TTC21A: variants seen among roughly 807,000 people sequenced by gnomAD.
The protein encoded by TTC21A is tetratricopeptide repeat protein 21A.
Under a neutral mutation model 156.4 loss-of-function variants are expected in TTC21A, and 128 were observed. The observed-to-expected ratio is 0.82, with a 90% CI of 0.71 to 0.95. The LOEUF is 0.95. TTC21A is among the 40% of genes least tolerant of loss of function. TTC21A has a pLI of 0.00. For synonymous variants in TTC21A, 587 were observed against 617.1 expected (o/e 0.95, Z 0.72); for missense variants, 1,435 against 1,602.3 (o/e 0.90, Z 1.78).
Position 39,109,171 on chromosome 3 carries a change from C to A in TTC21A, c.114C>A (p.Asp38Glu), listed in dbSNP as rs780564796. Reference sequence around the variant, plus strand: ...TGGGCCTGGAAAAATTCAGCAATGACCCTGTGTTGAAGTTCTTTAAAGCCT... The same window carrying A: ...TGGGCCTGGAAAAATTCAGCAATGAACCTGTGTTGAAGTTCTTTAAAGCCT... ...AAVGLEKFSN[D>E]PVLKFFKAYG... The change falls in exon 2 of 29, where the codon GAC (aspartate) becomes GAA (glutamate). Residue 38 changes from aspartate (D) to glutamate (E), a missense_variant. By Grantham distance (45) the Asp-to-Glu change is conservative. Transcript: ENST00000683103. The A allele has an allele frequency of 6.2e-7, 1 of 1,614,156 alleles. No homozygotes were observed. Among genetic ancestry groups the A allele is most frequent in the Non-Finnish European group, 8.5e-7 (1 of 1,179,996 alleles).
rs2038051439 is a variant in TTC21A at position 39,124,633 on chromosome 3, T to G, written c.1094-430T>G. On this transcript the variant is annotated intron_variant, in intron 9 of 28. Coordinates refer to ENST00000683103, the MANE Select transcript of TTC21A (RefSeq NM_001366900.1). The stretch of plus-strand genomic sequence containing the variant: ...AAGATCGTGCCACTTCACTCCAGCC[T>G]GGGCAAAAGAGCGAAACTCCGTCTC... Among the ~76,000 whole-genome samples the G allele has an allele frequency of 6.2e-5, 6 of 96,202 alleles. 1 individual carries two copies. The South Asian group carries it at 2.3e-3, about 38-fold the overall frequency. The allele number at this position is 96,202 out of a possible 152,430, so 63.1% of individuals were successfully genotyped here.
At chr3:39,117,071 C>T (rs2125778687) in intron 6 of TTC21A, among the ~76,000 whole-genome samples, 1 of 152,274 alleles carries the variant, frequency 6.6e-6, no homozygotes, top group African/African-American at 2.4e-5. Flanking sequence ...GGAATATAAG[C>T]ATTGAAGTCT....
rs762988305 is a variant in TTC21A, at chr3:39,134,468, G to C, written c.2862+140G>C. ...CTCTGAGGAGCTGTCGGGCAGAGAG[G>C]ACTCAGTGCTGCACCTACTCTGCCC... is the stretch of plus-strand genomic sequence containing the variant. On this transcript the variant is annotated intron_variant, in intron 21 of 28. Transcript: ENST00000683103. The surrounding 1 kb of genome is among the most constrained non-coding windows in gnomAD (Gnocchi z 4.6). 4.1e-6 allele frequency: 3 copies of C among 736,846 alleles called. No homozygotes were observed. Among genetic ancestry groups the C allele is most frequent in the Non-Finnish European group, 7.4e-6 (3 of 404,066 alleles). 45.6% of individuals were successfully genotyped at this position (736,846 alleles called of 1,614,324 possible). A position where few individuals can be genotyped will look rare whatever the true frequency, so the allele number is the denominator to read the frequency against.
At chr3:39,114,522 C>A in intron 5 of TTC21A, 63 bp from the exon 6 acceptor site, 1 of 1,544,308 alleles carries the variant, frequency 6.5e-7, no homozygotes, top group Non-Finnish European at 8.9e-7. Flanking sequence ...GACAACCCCC[C>A]TCCAGCAAAC....
At position 39,130,250 on chromosome 3, in the gene TTC21A, C is replaced by T. The variant is rs375019709; in HGVS notation, c.2211C>T (p.Pro737=). The T allele has an allele frequency of 7.8e-5, 126 of 1,613,024 alleles. No homozygotes were observed. The highest frequency in any genetic ancestry group is 9.5e-5 in the Non-Finnish European group (112 of 1,179,542). The change falls in exon 17 of 29, where the codon CCC becomes CCT. Residue 737 remains proline, a splice_region_variant and synonymous_variant. Coordinates refer to ENST00000683103, the MANE Select transcript of TTC21A (RefSeq NM_001366900.1). This position sits in a 1 kb window ranked among gnomAD's most constrained non-coding sequence, Gnocchi z 4.5. ...CCCAAAGACACTTTCCCCACCAGCC[C>T]GAGAAGGCCCTGGAGGTCTATGATG... ...LGDALMSILE[P]EKALEVYDEA... is the part of the protein sequence containing the mutation.
At chr3:39,128,999 A>C in intron 14 of TTC21A, 67 bp downstream of exon 14, 1 of 1,608,190 alleles carries the variant, frequency 6.2e-7, no homozygotes, top group Non-Finnish European at 8.5e-7. Context: ...AGGCCCAGGA[A>C]CCAGGTTCTT....
At chr3:39,122,033 G>C (rs1180232635) in intron 9 of TTC21A, among the ~76,000 whole-genome samples, 2 of 152,190 alleles carry the variant, frequency 1.3e-5, no homozygotes, top group African/African-American at 4.8e-5. Flanking sequence ...AATGAGCCAG[G>C]CGTGATGGCT....
intron 8 of TTC21A, among the ~76,000 whole-genome samples, 196 bp downstream of exon 8, chr3:39,120,216 C>T (rs1471244737): frequency 2.6e-5 from 4 of 152,170 alleles, no homozygotes; most frequent in African/African-American, 7.2e-5. Context: ...GTTCTACATC[C>T]TTAGCCTAGG....
chr3:39,131,419 G>T, intron 19 of TTC21A: 2 of 218,658 alleles, frequency 9.1e-6, no homozygotes, highest in Non-Finnish European at 9.1e-6. Flanking sequence ...GGTTCTGTAG[G>T]GTTTTTGCTT....
chr3:39,128,291 T>A lies in TTC21A; in HGVS notation c.1523-40T>A, dbSNP rs781225525. 6.9e-6 allele frequency: 11 copies of A among 1,605,694 alleles called. No homozygotes were observed. The South Asian group carries it at 1.1e-4, about 16-fold the overall frequency. The stretch of plus-strand genomic sequence containing the variant: ...CTTGCATATCAGGTCTTAGGAGCCC[T>A]TGGGAACCCTGCATGTAGAGGTTTG... On this transcript the variant is annotated intron_variant, in intron 12 of 28. Coordinates refer to ENST00000683103, the MANE Select transcript of TTC21A (RefSeq NM_001366900.1).
Position 39,135,137 on chromosome 3 carries a change from C to G in TTC21A, c.2907C>G (p.Ala969=), listed in dbSNP as rs1377440375. The G allele has an allele frequency of 6.2e-7, 1 of 1,614,130 alleles. No individual in the cohort carries two copies. Among genetic ancestry groups the G allele is most frequent in the South Asian group, 1.1e-5 (1 of 91,084 alleles). ...LMFRKQKHEA[A]INLYHQVLEK... ...TTAGAAAACAGAAACATGAAGCGGC[C>G]ATCAATCTTTACCACCAAGTCTTGG... Residue 969 remains alanine (A), a synonymous_variant, in exon 22 of 29, where the codon GCC becomes GCG. Transcript: ENST00000683103.
chr3:39,130,565 G>T lies in TTC21A; in HGVS notation c.2320-136G>T. 5.0e-6 allele frequency: 6 copies of T among 1,196,844 alleles called. No individual in the cohort carries two copies. Among genetic ancestry groups the T allele is most frequent in the Non-Finnish European group, 7.1e-6 (6 of 841,046 alleles). 74.1% of individuals were successfully genotyped at this position (1,196,844 alleles called of 1,614,324 possible). On this transcript the variant is annotated intron_variant, in intron 17 of 28. Coordinates refer to ENST00000683103, the MANE Select transcript of TTC21A (RefSeq NM_001366900.1). The surrounding 1 kb of genome is among the most constrained non-coding windows in gnomAD (Gnocchi z 4.5). ...AAGCTGAGGGTTACACCCTGTGCCA[G>T]CTGGGAGGAGTGCCTTTTCACTTTA...
At chr3:39,124,927 G>A in intron 9 of TTC21A, 136 bp from the exon 10 acceptor site, 2 of 667,670 alleles carry the variant, frequency 3.0e-6, no homozygotes, top group Non-Finnish European at 5.4e-6. Flanking sequence ...TTCTCTTTAA[G>A]TTTGTAGAAA....
intron 6 of TTC21A, 141 bp downstream of exon 6, chr3:39,114,883 G>A (rs755182283): frequency 4.1e-5 from 37 of 900,508 alleles, no homozygotes; most frequent in Non-Finnish European, 6.1e-5. Context: ...AAATTGGGAT[G>A]AGGAAGAGAG....
chr3:39,107,808 A>G lies in TTC21A; in HGVS notation c.-30A>G, dbSNP rs1280237857. On this transcript the variant is annotated 5_prime_UTR_variant, in exon 1 of 29. Coordinates refer to ENST00000683103, the MANE Select transcript of TTC21A (RefSeq NM_001366900.1). Reference sequence around the variant, plus strand: ...ATCCCGCTCTGCACCGCCCCACCAGACCCGGACTCGGAGCCGCGAGCGGCC... The same window carrying G: ...ATCCCGCTCTGCACCGCCCCACCAGGCCCGGACTCGGAGCCGCGAGCGGCC... 4 of 1,611,792 alleles carry G rather than the reference A, an allele frequency of 2.5e-6. No homozygotes were observed. Among genetic ancestry groups the G allele is most frequent in the Middle Eastern group, 1.7e-4 (1 of 6,060 alleles).
intron 3 of TTC21A, chr3:39,110,497 G>A: frequency 2.0e-6 from 1 of 499,140 alleles, no homozygotes; most frequent in Non-Finnish European, 3.6e-6. Flanking sequence ...GTCAGGGAGA[G>A]GGTCCAAGAG....
intron 28 of TTC21A, 28 bp from the exon 29 acceptor site, chr3:39,138,683 C>G (rs1436601828): frequency 1.9e-6 from 3 of 1,613,714 alleles, no homozygotes; most frequent in African/African-American, 1.3e-5. Context: ...CTGCATGATA[C>G]TGCACACCCA....
chr3:39,119,601 A>G (rs1428052767), intron 7 of TTC21A: 2 of 167,340 alleles, frequency 1.2e-5, no homozygotes, highest in South Asian at 1.5e-4. Context: ...GGGCTACTCT[A>G]TGGGTTAGCC....
rs199910703 is a variant in TTC21A at position 39,128,715 on chromosome 3, A to G, written c.1681-2A>G. ...CCCCACACTCTGCTGTGCTCCTCCT[A>G]GGTCCGAGATCACCCCCTCTACCAC... On this transcript the variant is annotated splice_acceptor_variant, in intron 13 of 28. Coordinates refer to ENST00000683103, the MANE Select transcript of TTC21A (RefSeq NM_001366900.1). LOFTEE classifies it high-confidence loss of function. 176 of 1,613,780 alleles carry G rather than the reference A, an allele frequency of 1.1e-4. No homozygotes were observed. The highest frequency in any genetic ancestry group is 1.3e-4 in the Non-Finnish European group (153 of 1,179,894).
Sources: gnomAD v4.1 joint callset for allele counts (sites outside exome capture counted in the v4.1 genomes callset) on GRCh38, gnomAD v4.1.1 for gene constraint, Gnocchi (gnomAD v3.1) non-coding constraint, MANE v1.5 for transcripts, NCBI Gene and HGNC (gene_info 2026-07-23, HGNC 2026-07-21) for gene names.